The following SLIT3 variants were observed in gnomAD, a reference collection of about 807,000 sequenced individuals.
SLIT3 encodes the protein slit homolog 3 protein.
SLIT3 carries 68 observed loss-of-function variants against 184.0 expected under a neutral mutation model. The observed-to-expected ratio is 0.37, with a 90% confidence interval of 0.30 to 0.45. The LOEUF is 0.45. SLIT3 is among the 20% of genes least tolerant of loss of function. The pLI, the probability that SLIT3 is intolerant of heterozygous loss-of-function variation, is 1.00. For synonymous variants in SLIT3, 831 were observed against 828.6 expected, an observed-to-expected ratio of 1.00 and a Z score of -0.05; for missense variants, 1,707 against 2,026.0, an observed-to-expected ratio of 0.84 and a Z score of 3.02.
chr5:168,803,255 C>T (rs962844245), intron 9 of SLIT3, among the ~76,000 whole-genome samples: 8 of 152,274 alleles, frequency 5.3e-5, no homozygotes, highest in Admixed American at 1.3e-4. Flanking sequence ...TTTTTAAAAA[C>T]GATGATAACA....
chr5:169,079,900 T>G (rs1581385552), intron 4 of SLIT3, among the ~76,000 whole-genome samples: 98 of 66,974 alleles, frequency 1.5e-3, no homozygotes, highest in African/African-American at 2.9e-3. Flanking sequence ...AAGGGAAGAG[T>G]GAAGAAGAAG....
intron 8 of SLIT3, among the ~76,000 whole-genome samples, chr5:168,810,724 G>A (rs777960763): frequency 6.6e-6 from 1 of 152,188 alleles, no homozygotes; most frequent in Non-Finnish European, 1.5e-5. Flanking sequence ...AGGCCCCCTG[G>A]ACCATGGCCT....
chr5:169,016,257 C>T (rs976873170), intron 4 of SLIT3, among the ~76,000 whole-genome samples: 1 of 152,074 alleles, frequency 6.6e-6, no homozygotes, highest in Non-Finnish European at 1.5e-5. Context: ...TGGTTAAGTC[C>T]CGGGGCTACA....
rs1033918486 is a variant in SLIT3 at position 169,209,590 on chromosome 5, T to G, written c.342-16040A>C. On this transcript the variant is annotated intron_variant, in intron 3 of 35. Transcript: ENST00000519560. ...CTGGATAAAGAAAAGGTGGCATATA[T>G]GCCACATGTGGAATACTATGCAGCC... is the stretch of plus-strand genomic sequence containing the variant. Among the ~76,000 whole-genome samples the G allele has an allele frequency of 1.1e-4, 17 of 151,966 alleles. No individual in the cohort carries two copies. In the South Asian group the frequency reaches 2.5e-3, roughly 22 times the overall value.
intron 3 of SLIT3, among the ~76,000 whole-genome samples, chr5:169,206,107 C>T (rs1581053786): frequency 6.6e-6 from 1 of 152,266 alleles, no homozygotes; most frequent in South Asian, 2.1e-4. Context: ...TCCATGCTGC[C>T]TGGGAATAAA....
intron 10 of SLIT3, among the ~76,000 whole-genome samples, chr5:168,793,879 G>A (rs974404686): frequency 9.9e-5 from 15 of 152,046 alleles, no homozygotes; most frequent in Non-Finnish European, 1.5e-4. Context: ...TAAATATTAA[G>A]GCCTATATTT....
intron 3 of SLIT3, among the ~76,000 whole-genome samples, chr5:169,222,525 A>T (rs1021341890): frequency 1.3e-5 from 2 of 152,194 alleles, no homozygotes; most frequent in Admixed American, 1.3e-4. Context: ...TGAAAGAAAA[A>T]AAAGATAGTT....
chr5:168,899,759 T>G (rs1760802524), intron 4 of SLIT3, among the ~76,000 whole-genome samples: 1 of 151,820 alleles, frequency 6.6e-6, no homozygotes, highest in South Asian at 2.1e-4. Context: ...GTTAAACGCT[T>G]GAGTTCTGAA....
chr5:169,220,225 G>A (rs536441459), intron 3 of SLIT3, among the ~76,000 whole-genome samples: 57 of 152,140 alleles, frequency 3.7e-4, no homozygotes, highest in African/African-American at 1.3e-3. Context: ...GTCCCATGGC[G>A]GGGATCCTCA....
intron 5 of SLIT3, among the ~76,000 whole-genome samples, chr5:168,858,488 A>G (rs1028351021): frequency 2.0e-5 from 3 of 152,348 alleles, no homozygotes; most frequent in Non-Finnish European, 4.4e-5. Flanking sequence ...CTTAGGGGGA[A>G]AAATTCCTTG....
At chr5:168,847,261 T>C (rs1202878974) in intron 5 of SLIT3, among the ~76,000 whole-genome samples, 2 of 152,242 alleles carry the variant, frequency 1.3e-5, no homozygotes, top group East Asian at 3.8e-4. Context: ...AAATTTAAAA[T>C]ATTTATGCAT....
chr5:168,974,727 C>T (rs945553242), intron 4 of SLIT3, among the ~76,000 whole-genome samples: 1 of 152,202 alleles, frequency 6.6e-6, no homozygotes, highest in Non-Finnish European at 1.5e-5. Context: ...GGCTGTCACC[C>T]ACCAACTCTG....
chr5:169,134,090 T>G (rs1387213450), intron 4 of SLIT3, among the ~76,000 whole-genome samples: 1 of 152,254 alleles, frequency 6.6e-6, no homozygotes, highest in Admixed American at 6.5e-5. Flanking sequence ...GCAGATCCAC[T>G]GGCCTTCCTC....
chr5:168,755,417 C>CTTTCTTTCTTTCTTTCTTTCTTTCTTTCT (rs1754887523), intron 16 of SLIT3, among the ~76,000 whole-genome samples: 1 of 26,608 alleles, frequency 3.8e-5, no homozygotes, highest in African/African-American at 3.1e-4. Flanking sequence ...TTCTTTCTTT[C>CTTTCTTTCTTTCTTTCTTTCTTTCTTTCT]TTTCTTTCTT....
chr5:169,220,297 A>G lies in SLIT3; in HGVS notation c.341+24408T>C, dbSNP rs538894619. Among the ~76,000 whole-genome samples, 31 of 151,682 alleles carry G rather than the reference A, an allele frequency of 2.0e-4. No individual in the cohort carries two copies. In the East Asian group the frequency reaches 4.1e-3, roughly 20 times the overall value. On this transcript the variant is annotated intron_variant, in intron 3 of 35. Transcript: ENST00000519560. ...ACAGGCCCTCTTCCTCACAAACTGG[A>G]AGATGGATCCTAGCCAAATGGAAAA...
At chr5:168,719,211 C>T (rs1762856832) in intron 23 of SLIT3, among the ~76,000 whole-genome samples, 2 of 152,124 alleles carry the variant, frequency 1.3e-5, no homozygotes, top group Admixed American at 1.3e-4. Context: ...ATCACTATGC[C>T]CGGCTAATTT....
intron 4 of SLIT3, among the ~76,000 whole-genome samples, chr5:169,031,715 G>A (rs1031231089): frequency 6.6e-6 from 1 of 152,152 alleles, no homozygotes; most frequent in Non-Finnish European, 1.5e-5. Context: ...GCAGGGCATC[G>A]AATTCATACA....
At chr5:169,186,071 C>T (rs957013009) in intron 4 of SLIT3, among the ~76,000 whole-genome samples, 1 of 152,182 alleles carries the variant, frequency 6.6e-6, no homozygotes, top group Admixed American at 6.6e-5. Context: ...AGTAAATTCA[C>T]CACACACATT....
intron 7 of SLIT3, among the ~76,000 whole-genome samples, chr5:168,822,969 C>T (rs182470173): frequency 7.2e-5 from 11 of 152,246 alleles, no homozygotes; most frequent in Middle Eastern, 3.4e-3. Flanking sequence ...TCTATCAGGA[C>T]GGAAAACATG....
Sources: allele counts gnomAD v4.1 joint callset (sites outside exome capture counted in the v4.1 genomes callset), GRCh38; gene constraint gnomAD v4.1.1; transcripts MANE v1.5; gene names NCBI Gene and HGNC (gene_info 2026-07-23, HGNC 2026-07-21).